The following ADGRE2 variants were observed in gnomAD, a reference collection of about 807,000 sequenced individuals.
ADGRE2 encodes CD97 antigen.
A neutral mutation model predicts 100.8 loss-of-function variants in ADGRE2; 83 were observed. That is an observed-to-expected ratio of 0.82 (90% CI 0.69 to 0.99). The LOEUF is 0.99. Ranked by LOEUF, ADGRE2 falls within the 50% of genes least tolerant of loss-of-function variation. ADGRE2 has a pLI of 0.00. For missense variants in ADGRE2, 814 were observed against 1,035.7 expected (o/e 0.79, Z 2.94); for synonymous variants, 355 against 413.0 (o/e 0.86, Z 1.70).
At chr19:14,777,904 T>C (rs914690424) in intron 1 of ADGRE2, among the ~76,000 whole-genome samples, 2 of 152,214 alleles carry the variant, frequency 1.3e-5, no homozygotes, top group African/African-American at 4.8e-5. Flanking sequence ...TTGATGGACA[T>C]TTGGGTTGAT....
downstream of ADGRE2, chr19:14,731,162 A>G (rs953423095): frequency 1.6e-5 from 25 of 1,533,094 alleles, no homozygotes; most frequent in Admixed American, 2.0e-5. Context: ...CCTCCTTATA[A>G]TTCCCTTTTC....
chr19:14,765,205 A>G, intron 10 of ADGRE2, 115 bp downstream of exon 10: 1 of 1,034,466 alleles, frequency 9.7e-7, no homozygotes, highest in Non-Finnish European at 1.5e-6. Context: ...GCTGGGAGTC[A>G]GACCAGCACC....
At chr19:14,775,176 T>A (rs2044390687) in intron 2 of ADGRE2, among the ~76,000 whole-genome samples, 1 of 149,770 alleles carries the variant, frequency 6.7e-6, no homozygotes, top group Non-Finnish European at 1.5e-5. Context: ...CTAATTTTTG[T>A]ATTTCTTAAG....
chr19:14,737,907 G>A (rs762059947), intron 20 of ADGRE2, among the ~76,000 whole-genome samples: 2 of 151,678 alleles, frequency 1.3e-5, no homozygotes, highest in Non-Finnish European at 2.9e-5. Context: ...AATCTGGGAG[G>A]TGGGGGTCAC....
chr19:14,748,262 A>G (rs2043151909), intron 16 of ADGRE2, among the ~76,000 whole-genome samples: 1 of 152,196 alleles, frequency 6.6e-6, no homozygotes, highest in Non-Finnish European at 1.5e-5. Context: ...TAATTCACTT[A>G]GAATAATGGC....
At chr19:14,740,859 C>T (rs1268854533) in intron 20 of ADGRE2, among the ~76,000 whole-genome samples, 4 of 151,878 alleles carry the variant, frequency 2.6e-5, no homozygotes, top group Non-Finnish European at 4.4e-5. Context: ...GCCTCAGCCT[C>T]CCAAGCAGCT....
intron 14 of ADGRE2, among the ~76,000 whole-genome samples, chr19:14,752,995 C>A (rs2043350042): frequency 6.6e-6 from 1 of 152,158 alleles, no homozygotes; most frequent in African/African-American, 2.4e-5. Context: ...TGGTCTTGAA[C>A]TCCTGACCTC....
intron 14 of ADGRE2, among the ~76,000 whole-genome samples, chr19:14,753,268 T>G (rs541420789): frequency 6.6e-6 from 1 of 151,858 alleles, no homozygotes; most frequent in South Asian, 2.1e-4. Context: ...TGCAGGTTTA[T>G]GTCCAGCAGG....
chr19:14,741,948 A>T (rs1023190304), intron 20 of ADGRE2: 1 of 398,542 alleles, frequency 2.5e-6, no homozygotes, highest in Non-Finnish European at 4.4e-6. Flanking sequence ...TTAGTCATCA[A>T]TGTCATGAAT....
At chr19:14,744,906 T>TC (rs1255367392) in intron 18 of ADGRE2, among the ~76,000 whole-genome samples, 1 of 151,760 alleles carries the variant, frequency 6.6e-6, no homozygotes, top group African/African-American at 2.4e-5. Flanking sequence ...ACTTTTTTTT[T>TC]TGAGTTGGAG....
intron 10 of ADGRE2, 47 bp from the exon 11 acceptor site, chr19:14,764,657 C>T: frequency 6.4e-7 from 1 of 1,556,122 alleles, no homozygotes; most frequent in Non-Finnish European, 8.7e-7. Context: ...GCCAGAGGGC[C>T]CGCATGAAGA....
At chr19:14,776,539 G>A (rs374585978) in intron 2 of ADGRE2, 187 bp downstream of exon 2, 9 of 366,488 alleles carry the variant, frequency 2.5e-5, no homozygotes, top group East Asian at 1.9e-4. Context: ...TTCCTGCCGG[G>A]GTGTGGGGGT....
At chr19:14,752,238 A>C (rs2147237310) in intron 15 of ADGRE2, 91 bp downstream of exon 15, 1 of 1,501,854 alleles carries the variant, frequency 6.7e-7, no homozygotes, top group East Asian at 2.3e-5. Context: ...CAGCCGGGCT[A>C]TTATATTAAG....
chr19:14,773,777 G>T (rs1259960542), intron 4 of ADGRE2, among the ~76,000 whole-genome samples, 161 bp downstream of exon 4: 1 of 152,064 alleles, frequency 6.6e-6, no homozygotes, highest in Non-Finnish European at 1.5e-5. Flanking sequence ...CTCCCAAAGT[G>T]CTGGGAGCCA....
At chr19:14,736,278 T>C in intron 20 of ADGRE2, 34 bp from the exon 21 acceptor site, 1 of 1,422,836 alleles carries the variant, frequency 7.0e-7, no homozygotes, top group Non-Finnish European at 9.8e-7. Flanking sequence ...ATTTTGTTGT[T>C]GAGACAGAGT....
In ADGRE2 at chr19:14,746,893, C is replaced by G; in HGVS notation, c.2091+3G>C. 1 of 1,613,474 alleles carries G rather than the reference C, an allele frequency of 6.2e-7. No homozygotes were observed. Among genetic ancestry groups the G allele is most frequent in the Non-Finnish European group, 8.5e-7 (1 of 1,179,696 alleles). The stretch of plus-strand genomic sequence containing the variant: ...GCGAGGATGCTCAGATGATGTCACT[C>G]ACAGAGAAGATGGCGCAGACAGGTC... On this transcript the variant is annotated splice_donor_region_variant and intron_variant, in intron 17 of 20. Transcript: ENST00000315576.
chr19:14,742,399 T>C (rs1448493837), intron 20 of ADGRE2, among the ~76,000 whole-genome samples: 2 of 152,152 alleles, frequency 1.3e-5, no homozygotes, highest in African/African-American at 2.4e-5. Context: ...CCTCAGCTAA[T>C]TTTTAAATGC....
chr19:14,729,973 TGAGA>T (rs773346815), downstream of ADGRE2, among the ~76,000 whole-genome samples: 34 of 152,284 alleles, frequency 2.2e-4, no homozygotes, highest in South Asian at 1.7e-3. Flanking sequence ...TTTGTTGTCT[TGAGA>T]GAAAGATTTT....
At chr19:14,777,742 G>T (rs1454377136) in intron 1 of ADGRE2, among the ~76,000 whole-genome samples, 1 of 151,694 alleles carries the variant, frequency 6.6e-6, no homozygotes, top group East Asian at 1.9e-4. Flanking sequence ...AGAACATGTG[G>T]TGTTTGGTTT....
Sources: gnomAD v4.1 joint callset for allele counts (sites outside exome capture counted in the v4.1 genomes callset) on GRCh38, gnomAD v4.1.1 for gene constraint, MANE v1.5 for transcripts, NCBI Gene and HGNC (gene_info 2026-07-23, HGNC 2026-07-21) for gene names.